The following UBR2 variants were observed in gnomAD, a reference collection of about 807,000 sequenced individuals.
UBR2 encodes the protein E3 ubiquitin-protein ligase UBR2.
Under a neutral mutation model 247.9 loss-of-function variants are expected in UBR2, and 92 were observed. That is an observed-to-expected ratio of 0.37 (90% CI 0.31 to 0.44). The LOEUF (loss-of-function observed/expected upper bound fraction) is 0.44. Among genes scored for constraint, UBR2 ranks in the 20% least tolerant of loss-of-function variants. The probability of loss-of-function intolerance (pLI) is 1.00; values close to 1 mark genes in which losing one functional copy is unlikely to be tolerated. For missense variants in UBR2, 1,613 were observed against 2,112.6 expected (o/e 0.76, Z 4.64); for synonymous variants, 672 against 693.5 (o/e 0.97, Z 0.49).
chr6:42,684,762 G>T, intron 43 of UBR2, 32 bp from the exon 44 acceptor site: 1 of 1,543,676 alleles, frequency 6.5e-7, no homozygotes, highest in Non-Finnish European at 8.9e-7. Context: ...CTAAATTAAT[G>T]GAGTGTTCTT....
intron 25 of UBR2, among the ~76,000 whole-genome samples, 161 bp from the exon 26 acceptor site, chr6:42,655,460 A>G (rs1014848387): frequency 6.6e-6 from 1 of 151,976 alleles, no homozygotes; most frequent in Non-Finnish European, 1.5e-5. Flanking sequence ...CTCAAAAAAA[A>G]AAAAAAGAAA....
chr6:42,639,890 T>C (rs1796317781), intron 15 of UBR2, among the ~76,000 whole-genome samples: 1 of 151,944 alleles, frequency 6.6e-6, no homozygotes, highest in Non-Finnish European at 1.5e-5. Context: ...TAGCCGGGTG[T>C]GGTGGCGGGT....
chr6:42,631,841 TGTA>T (rs1300104511), intron 11 of UBR2, among the ~76,000 whole-genome samples: 1 of 134,732 alleles, frequency 7.4e-6, no homozygotes, highest in African/African-American at 2.8e-5. Context: ...GTGTGTATTA[TGTA>T]GTATATACTC....
chr6:42,573,690 T>G, intron 1 of UBR2, 44 bp from the exon 2 acceptor site: 1 of 1,446,438 alleles, frequency 6.9e-7, no homozygotes, highest in Non-Finnish European at 9.1e-7. Flanking sequence ...TCAAATTAGT[T>G]TGTTGGTGTT....
intron 45 of UBR2, 145 bp downstream of exon 45, chr6:42,688,531 T>G: frequency 1.2e-6 from 1 of 867,072 alleles, no homozygotes; most frequent in Non-Finnish European, 1.7e-6. Flanking sequence ...CCTTGTCGCC[T>G]CACATCTCAC....
Position 42,659,988 on chromosome 6 carries a change from G to A in UBR2, c.3442+133G>A, listed in dbSNP as rs1797710963. On this transcript the variant is annotated intron_variant, in intron 30 of 46. Transcript: ENST00000372901. This position sits in a 1 kb window ranked among gnomAD's most constrained non-coding sequence, Gnocchi z 4.3. ...GATGGTATCTTTGGCAGGTAACTTA[G>A]GCAGGAATTCCCCACTTGGCAGATG... is the stretch of plus-strand genomic sequence containing the variant. 6 of 855,598 alleles carry A rather than the reference G, an allele frequency of 7.0e-6. No homozygotes were observed. Among genetic ancestry groups the A allele is most frequent in the Non-Finnish European group, 1.1e-5 (6 of 561,886 alleles). 53.0% of individuals were successfully genotyped at this position (855,598 alleles called of 1,614,324 possible). A position where few individuals can be genotyped will look rare whatever the true frequency, so the allele number is the denominator to read the frequency against.
chr6:42,678,389 TATA>T (rs1439912116), intron 40 of UBR2, 147 bp from the exon 41 acceptor site: 1 of 747,170 alleles, frequency 1.3e-6, no homozygotes, highest in Non-Finnish European at 2.0e-6. Context: ...CCTGGCATCC[TATA>T]ATAACACACA....
At chr6:42,640,355 G>C in intron 16 of UBR2, 85 bp downstream of exon 16, 4 of 1,194,736 alleles carry the variant, frequency 3.3e-6, no homozygotes, top group Non-Finnish European at 4.7e-6. Flanking sequence ...TTTTTAGTTT[G>C]GGTTCTCCAG....
intron 44 of UBR2, among the ~76,000 whole-genome samples, chr6:42,686,357 G>A (rs1026315435): frequency 1.3e-5 from 2 of 151,618 alleles, no homozygotes; most frequent in African/African-American, 4.9e-5. Flanking sequence ...TTAACCCTTA[G>A]TGGACACAGC....
At chr6:42,608,922 CTTGT>C (rs781186949) in intron 7 of UBR2, among the ~76,000 whole-genome samples, 18 of 152,072 alleles carry the variant, frequency 1.2e-4, no homozygotes, top group South Asian at 4.1e-4. Flanking sequence ...TGTTTTATGA[CTTGT>C]TTAAGAAATT....
intron 4 of UBR2, among the ~76,000 whole-genome samples, chr6:42,599,902 G>GT (rs963871536): frequency 5.3e-5 from 8 of 151,930 alleles, no homozygotes; most frequent in Non-Finnish European, 8.8e-5. Flanking sequence ...AGCTAGAATT[G>GT]TTTTTTTAAA....
intron 1 of UBR2, among the ~76,000 whole-genome samples, chr6:42,572,262 C>G (rs1247751601): frequency 6.6e-6 from 1 of 152,024 alleles, no homozygotes; most frequent in African/African-American, 2.4e-5. Context: ...AACTTATGAA[C>G]AAAATTTTTA....
intron 26 of UBR2, among the ~76,000 whole-genome samples, chr6:42,656,814 A>G (rs79147256): frequency 0.02 from 3,015 of 152,126 alleles, 90 homozygotes; most frequent in African/African-American, 0.069. Flanking sequence ...GTTTTTACCT[A>G]TTCTTTTTCT....
At chr6:42,592,997 AACCCC>A (rs1792763753) in intron 3 of UBR2, among the ~76,000 whole-genome samples, 1 of 152,074 alleles carries the variant, frequency 6.6e-6, no homozygotes, top group African/African-American at 2.4e-5. Context: ...ACAATGGTGA[AACCCC>A]ATCTCTACTA....
At chr6:42,614,201 A>AC (rs1562310707) in intron 8 of UBR2, among the ~76,000 whole-genome samples, 1 of 60,788 alleles carries the variant, frequency 1.6e-5, no homozygotes, top group Non-Finnish European at 3.0e-5. Flanking sequence ...AAAAAAAAAA[A>AC]AAAACTATAT....
At chr6:42,626,640 A>T (rs1277647563) in intron 11 of UBR2, among the ~76,000 whole-genome samples, 1 of 152,188 alleles carries the variant, frequency 6.6e-6, no homozygotes. Context: ...ACTCAGTCTT[A>T]CTTCTGCTTC....
chr6:42,607,256 T>C (rs1224441829), intron 7 of UBR2, among the ~76,000 whole-genome samples: 7 of 151,666 alleles, frequency 4.6e-5, no homozygotes, highest in Admixed American at 4.6e-4. Context: ...CAACTTCCTC[T>C]GCCTCCTGGG....
In UBR2 at chr6:42,642,426, A is replaced by G. The variant is rs928767184; in HGVS notation, c.2042A>G (p.Tyr681Cys). 6.2e-7 allele frequency: 1 copy of G among 1,605,866 alleles called. No homozygotes were observed. The highest frequency in any genetic ancestry group is 1.1e-5 in the South Asian group (1 of 90,412). Residue 681 changes from tyrosine (Y) to cysteine (C), a missense_variant, in exon 18 of 47, where the codon TAC (tyrosine) becomes TGC (cysteine). Coordinates refer to ENST00000372901, the MANE Select transcript of UBR2 (RefSeq NM_001363705.2). ...TACTTTTTTTTTTAGATTTATTACT[A>G]CCATAATGTGAAATGCAGACGTGAG... Reference protein sequence around the residue: ...GFSLVNQIYYYHNVKCRREMF... With the variant: ...GFSLVNQIYYCHNVKCRREMF...
In UBR2 at chr6:42,686,077, GT is replaced by G. The variant is rs199621864; in HGVS notation, c.4853+1216del. Among the ~76,000 whole-genome samples, 956 of 145,034 alleles carry G rather than the reference GT, an allele frequency of 6.6e-3. 11 individuals are homozygous for G. The highest frequency in any genetic ancestry group is 0.022 in the African/African-American group (859 of 39,528). ...AGCAGCATGTATTGTTATTTTGTAT[GT>G]TTTTTTTTTAATTAGTATTTATTGA... On this transcript the variant is annotated intron_variant, in intron 44 of 46. Coordinates refer to ENST00000372901, the MANE Select transcript of UBR2 (RefSeq NM_001363705.2).
Sources: gnomAD v4.1 joint callset for allele counts (sites outside exome capture counted in the v4.1 genomes callset) on GRCh38, gnomAD v4.1.1 for gene constraint, Gnocchi (gnomAD v3.1) non-coding constraint, MANE v1.5 for transcripts, NCBI Gene and HGNC (gene_info 2026-07-23, HGNC 2026-07-21) for gene names.